The following NEK4 variants were observed in gnomAD, a reference collection of about 807,000 sequenced individuals.
NEK4 encodes serine/threonine-protein kinase Nek4.
Under a neutral mutation model 98.4 loss-of-function variants are expected in NEK4, and 86 were observed. That is an observed-to-expected ratio of 0.87 (90% CI 0.73 to 1.05). The LOEUF (loss-of-function observed/expected upper bound fraction) is 1.05. Among genes scored for constraint, NEK4 ranks in the 50% least tolerant of loss-of-function variants. The probability of loss-of-function intolerance (pLI) is 0.00; values close to 1 mark genes in which losing one functional copy is unlikely to be tolerated. For missense variants in NEK4, 898 were observed against 950.3 expected (o/e 0.94, Z 0.72); for synonymous variants, 328 against 342.2 (o/e 0.96, Z 0.46).
Position 52,744,281 on chromosome 3 carries a change from T to C in NEK4, c.1852A>G (p.Arg618Gly). 6.2e-7 allele frequency: 1 copy of C among 1,613,814 alleles called. No individual in the cohort carries two copies. Among genetic ancestry groups the C allele is most frequent in the East Asian group, 2.2e-5 (1 of 44,880 alleles). ...SKDRPLSARE[R>G]RRLKQSQEEM... ...TCCTGTGACTGCTTTAGTCGCCTCC[T>C]CTCTCTGGCTGATAATGGTCGATCC... is the stretch of plus-strand genomic sequence containing the variant. The change falls in exon 11 of 16, where the codon AGG (arginine) becomes GGG (glycine). Residue 618 changes from arginine to glycine, a missense_variant. Arg to Gly is a moderately radical substitution (Grantham distance 125). Transcript: ENST00000233027.
At chr3:52,762,988 T>C (rs1459714277) in intron 5 of NEK4, among the ~76,000 whole-genome samples, 1 of 152,200 alleles carries the variant, frequency 6.6e-6, no homozygotes, top group East Asian at 1.9e-4. Flanking sequence ...GTCCTCCCTG[T>C]ACCAGAAGGA....
Position 52,768,325 on chromosome 3 carries a change from G to C in NEK4, c.360+13C>G, listed in dbSNP as rs374195072. 6.2e-7 allele frequency: 1 copy of C among 1,612,870 alleles called. No individual in the cohort carries two copies. The highest frequency in any genetic ancestry group is 8.5e-7 in the Non-Finnish European group (1 of 1,179,122). ...CTGGGAACAAGCTAGGATGCTATTA[G>C]TCTACACAGTACCTGCAAAGCCATG... On this transcript the variant is annotated intron_variant, in intron 2 of 15. Coordinates refer to ENST00000233027, the MANE Select transcript of NEK4 (RefSeq NM_003157.6).
chr3:52,746,675 T>G, intron 9 of NEK4, 59 bp downstream of exon 9: 1 of 1,486,584 alleles, frequency 6.7e-7, no homozygotes, highest in Non-Finnish European at 9.2e-7. Context: ...TGTTAATTGC[T>G]CTAAATAGAA....
At chr3:52,747,057 C>G (rs548912793) in intron 8 of NEK4, among the ~76,000 whole-genome samples, 153 bp from the exon 9 acceptor site, 2 of 152,292 alleles carry the variant, frequency 1.3e-5, no homozygotes, top group East Asian at 3.9e-4. Flanking sequence ...TTTAGTGTTA[C>G]ATGGAAGTTC....
At chr3:52,725,864 C>A (rs753796236) in intron 15 of NEK4, among the ~76,000 whole-genome samples, 34 of 151,902 alleles carry the variant, frequency 2.2e-4, no homozygotes, top group Non-Finnish European at 3.4e-4. Flanking sequence ...ACATAAGTCC[C>A]TCCTTATCAA....
At chr3:52,764,782 A>ACACATG (rs1698493034) in intron 4 of NEK4, among the ~76,000 whole-genome samples, 2 of 148,374 alleles carry the variant, frequency 1.3e-5, no homozygotes, top group Admixed American at 1.3e-4. Context: ...ACACATGCAC[A>ACACATG]CACACACACA....
chr3:52,737,638 A>G lies in NEK4; in HGVS notation c.2381T>C (p.Leu794Pro). ...CAAAAGATCATACACCTGCTCTAAA[A>G]GCTGAACTCCCAGGCCACGAATTAC... Reference protein sequence around the residue: ...TDVIRGLGVQLLEQVYDLLEE... With the variant: ...TDVIRGLGVQPLEQVYDLLEE... Residue 794 changes from leucine to proline, a missense_variant, in exon 15 of 16, where the codon CTT (leucine) becomes CCT (proline). Physicochemically the swap from Leu to Pro is moderately conservative, Grantham distance 98. Transcript: ENST00000233027. 6 of 1,613,966 alleles carry G rather than the reference A, an allele frequency of 3.7e-6. No homozygotes were observed. Among genetic ancestry groups the G allele is most frequent in the Middle Eastern group, 1.6e-4 (1 of 6,062 alleles).
chr3:52,760,218 T>C (rs1017556728), intron 6 of NEK4, among the ~76,000 whole-genome samples: 9 of 152,128 alleles, frequency 5.9e-5, no homozygotes, highest in African/African-American at 2.2e-4. Flanking sequence ...ATTTTATTTA[T>C]TTTTATTTTT....
rs2097349989 is a variant in NEK4 at position 52,711,168 on chromosome 3, G to A, written c.*609C>T. 1 of 152,348 alleles carries A rather than the reference G, an allele frequency of 6.6e-6. No individual in the cohort carries two copies. The highest frequency in any genetic ancestry group is 1.5e-5 in the Non-Finnish European group (1 of 67,984). The allele number at this position is 152,348 out of a possible 1,614,324, so 9.4% of individuals were successfully genotyped here. ...AGCCAATGTGTCTCAGTTTTAATTT[G>A]TATATACCCTAGATGAGGTTTATAT... is the stretch of plus-strand genomic sequence containing the variant. On this transcript the variant is annotated 3_prime_UTR_variant, in exon 16 of 16. Transcript: ENST00000233027.
At chr3:52,766,093 G>C (rs1419897605) in intron 3 of NEK4, 85 bp downstream of exon 3, 3 of 1,458,872 alleles carry the variant, frequency 2.1e-6, no homozygotes, top group African/African-American at 2.8e-5. Flanking sequence ...CCAATTCATA[G>C]ATAATTCTCT....
rs770259048 is a variant in NEK4 at position 52,768,459 on chromosome 3, T to C, written c.239A>G (p.Tyr80Cys). 3.1e-6 allele frequency: 5 copies of C among 1,614,194 alleles called. No homozygotes were observed. Among genetic ancestry groups the C allele is most frequent in the African/African-American group, 1.3e-5 (1 of 75,044 alleles). ...TCCTTCACAGAAGCCCATGACAATG[T>C]AGAGCAGACCATCTCCTCCTTCCCA... ...ESWEGGDGLL[Y>C]IVMGFCEGGD... The change falls in exon 2 of 16, where the codon TAC (tyrosine) becomes TGC (cysteine). Residue 80 changes from tyrosine to cysteine, a missense_variant. Coordinates refer to ENST00000233027, the MANE Select transcript of NEK4 (RefSeq NM_003157.6).
At chr3:52,755,103 A>G (rs1183702664) in intron 6 of NEK4, among the ~76,000 whole-genome samples, 1 of 151,398 alleles carries the variant, frequency 6.6e-6, no homozygotes, top group East Asian at 1.9e-4. Context: ...AAGAAAAACA[A>G]AACTTCTTAA....
At chr3:52,733,370 A>G (rs1578640396) in intron 15 of NEK4, 1 of 365,826 alleles carries the variant, frequency 2.7e-6, no homozygotes, top group East Asian at 7.0e-5. Context: ...TCGCAAATGT[A>G]ACGAATGTGG....
chr3:52,722,849 C>G (rs2097361289), intron 15 of NEK4, among the ~76,000 whole-genome samples: 1 of 152,134 alleles, frequency 6.6e-6, no homozygotes, highest in South Asian at 2.1e-4. Context: ...TGAGCCATGA[C>G]TATTCCATTG....
intron 15 of NEK4, 86 bp from the exon 16 acceptor site, chr3:52,711,955 T>C: frequency 1.4e-6 from 1 of 730,006 alleles, no homozygotes; most frequent in South Asian, 1.8e-5. Flanking sequence ...TTTCTAAGCA[T>C]GGTATCCAAG....
At chr3:52,751,794 G>T (rs1182762132) in intron 7 of NEK4, 138 bp downstream of exon 7, 3 of 856,340 alleles carry the variant, frequency 3.5e-6, no homozygotes, top group Non-Finnish European at 5.4e-6. Flanking sequence ...TTTTTGGTTT[G>T]ATGCAAATAT....
chr3:52,763,424 T>C lies in NEK4; in HGVS notation c.821+46A>G, dbSNP rs556117364. 6 of 1,550,126 alleles carry C rather than the reference T, an allele frequency of 3.9e-6. No homozygotes were observed. In the South Asian group the frequency reaches 7.2e-5, roughly 19 times the overall value. On this transcript the variant is annotated intron_variant, in intron 5 of 15. Coordinates refer to ENST00000233027, the MANE Select transcript of NEK4 (RefSeq NM_003157.6). The stretch of plus-strand genomic sequence containing the variant: ...TGAATATTACAGAAGCCACCCTCTT[T>C]CACCCCATCTATTTAGCCCAGCTAT...
chr3:52,752,542 T>C (rs2097407133), intron 6 of NEK4, among the ~76,000 whole-genome samples: 1 of 152,102 alleles, frequency 6.6e-6, no homozygotes, highest in Non-Finnish European at 1.5e-5. Flanking sequence ...AGCAGCTTTA[T>C]TTAAAATAGT....
intron 15 of NEK4, among the ~76,000 whole-genome samples, chr3:52,714,696 G>T (rs1052016752): frequency 6.6e-6 from 1 of 152,206 alleles, no homozygotes; most frequent in African/African-American, 2.4e-5. Flanking sequence ...GGCGCAAAGG[G>T]GCAGGCAGAG....
Sources: allele counts gnomAD v4.1 joint callset (sites outside exome capture counted in the v4.1 genomes callset), GRCh38; gene constraint gnomAD v4.1.1; transcripts MANE v1.5; gene names NCBI Gene and HGNC (gene_info 2026-07-23, HGNC 2026-07-21).